CDK4: variants seen among roughly 807,000 people sequenced by gnomAD.
The protein encoded by CDK4 is cyclin-dependent kinase 4.
CDK4 carries 13 observed loss-of-function variants against 36.7 expected under a neutral mutation model. That is an observed-to-expected ratio of 0.35 (90% CI 0.23 to 0.56). The LOEUF (loss-of-function observed/expected upper bound fraction) is 0.56, where lower values mean the gene tolerates loss of function less well. CDK4 is among the 20% of genes least tolerant of loss of function. The probability of loss-of-function intolerance (pLI) is 0.85; values close to 1 mark genes in which losing one functional copy is unlikely to be tolerated. For missense variants in CDK4, 285 were observed against 387.3 expected, an observed-to-expected ratio of 0.74 and a Z score of 2.22; for synonymous variants, 158 against 146.4, an observed-to-expected ratio of 1.08 and a Z score of -0.57.
chr12:57,749,812 C>T, intron 5 of CDK4: 1 of 427,738 alleles, frequency 2.3e-6, no homozygotes, highest in Non-Finnish European at 4.3e-6. Context: ...TCCTGGCCAA[C>T]ATGGTGAAAC....
chr12:57,749,606 C>T, intron 5 of CDK4, 102 bp from the exon 6 acceptor site: 2 of 1,120,226 alleles, frequency 1.8e-6, no homozygotes, highest in East Asian at 5.0e-5. Flanking sequence ...GGAATAAAGG[C>T]CAACAATTCC....
intron 7 of CDK4, 155 bp downstream of exon 7, chr12:57,749,027 C>T: frequency 1.0e-6 from 1 of 984,068 alleles, no homozygotes; most frequent in Non-Finnish European, 1.6e-6. Flanking sequence ...TCTTCTATAT[C>T]CTTCTCTGTG....
rs1438340968 is a variant in CDK4, at chr12:57,751,851, T to A, written c.-19-115A>T. ...CGCAAAGAACACCACCAGCATCCCA[T>A]CCCCCGCTCCCAGTCTTCCTTGGGG... On this transcript the variant is annotated intron_variant, in intron 1 of 7. Coordinates refer to ENST00000257904, the MANE Select transcript of CDK4 (RefSeq NM_000075.4). This position sits in a 1 kb window ranked among gnomAD's most constrained non-coding sequence, Gnocchi z 4.5. 2 of 728,850 alleles carry A rather than the reference T, an allele frequency of 2.7e-6. No homozygotes were observed. The highest frequency in any genetic ancestry group is 4.8e-6 in the Non-Finnish European group (2 of 420,956). The allele number at this position is 728,850 out of a possible 1,614,324, so 45.1% of individuals were successfully genotyped here. A position where few individuals can be genotyped will look rare whatever the true frequency, so the allele number is the denominator to read the frequency against.
At chr12:57,749,879 C>A (rs2140384603) in intron 5 of CDK4, 1 of 307,922 alleles carries the variant, frequency 3.2e-6, no homozygotes, top group African/African-American at 2.2e-5. Context: ...CACCTGTGGT[C>A]CCAGCTACTT....
Position 57,751,217 on chromosome 12 carries a change from T to G in CDK4, c.344A>C (p.Glu115Ala), listed in dbSNP as rs1955233133. ...DKAPPPGLPA[E>A]TIKDLMRQFL... The stretch of plus-strand genomic sequence containing the variant: ...ACCAACCCCACTCACCTTGATCGTT[T>G]CGGCTGGCAAGCCTGGTGGGGGTGC... Residue 115 changes from glutamate to alanine, a missense_variant, in exon 3 of 8, where the codon GAA (glutamate) becomes GCA (alanine). Coordinates refer to ENST00000257904, the MANE Select transcript of CDK4 (RefSeq NM_000075.4). This position sits in a 1 kb window ranked among gnomAD's most constrained non-coding sequence, Gnocchi z 4.5. 1.2e-6 allele frequency: 2 copies of G among 1,614,176 alleles called. No individual in the cohort carries two copies. The highest frequency in any genetic ancestry group is 2.2e-5 in the East Asian group (1 of 44,876).
intron 5 of CDK4, chr12:57,749,939 GTGAGCAGAGATCGCACTACTGCAC>G: frequency 3.8e-6 from 1 of 261,758 alleles, no homozygotes; most frequent in Admixed American, 5.0e-5. Flanking sequence ...GGAGGTTGCA[GTGAGCAGAGATCGCACTACTGCAC>G]TCCAGCCTGG....
chr12:57,749,546 A>T, intron 5 of CDK4, 42 bp from the exon 6 acceptor site: 1 of 1,586,426 alleles, frequency 6.3e-7, no homozygotes, highest in Non-Finnish European at 8.7e-7. Context: ...ATTTTCAAAG[A>T]TATCTTAGTT....
intron 7 of CDK4, chr12:57,748,972 C>T (rs1042439395): frequency 1.8e-5 from 12 of 656,500 alleles, no homozygotes; most frequent in Non-Finnish European, 3.1e-5. Context: ...TCCCAAAGTG[C>T]TGGGATTACA....
In CDK4 at chr12:57,751,386, CATGGCCTCTCA is replaced by C. The variant is rs1321411528; in HGVS notation, c.219-55_219-45del. On this transcript the variant is annotated intron_variant, in intron 2 of 7. Transcript: ENST00000257904. This position sits in a 1 kb window ranked among gnomAD's most constrained non-coding sequence, Gnocchi z 4.5. The stretch of plus-strand genomic sequence containing the variant: ...CACTTTTCAATCCCCTTTAACCCAA[CATGGCCTCTCA>C]TTATTTCCTCAGGGTCCCCACTTCT... 1.9e-6 allele frequency: 3 copies of C among 1,613,920 alleles called. No homozygotes were observed. In the South Asian group the frequency reaches 3.3e-5, roughly 18 times the overall value.
Position 57,748,221 on chromosome 12 carries a change from TAAAAA to T in CDK4, c.*299_*303del. 3.1e-6 allele frequency: 1 copy of T among 325,538 alleles called. No individual in the cohort carries two copies. Among genetic ancestry groups the T allele is most frequent in the South Asian group, 3.8e-5 (1 of 26,648 alleles). The allele number at this position is 325,538 out of a possible 1,614,324, so 20.2% of individuals were successfully genotyped here. On this transcript the variant is annotated 3_prime_UTR_variant, in exon 8 of 8. Transcript: ENST00000257904. ...CAAAGCCAAACAGAGGAAGAAACATTAAAAAAAAAAAAAAGACCATTATTTCTTTG... is the reference window on the plus strand; with the variant it reads ...CAAAGCCAAACAGAGGAAGAAACATTAAAAAAAAAGACCATTATTTCTTTG...
chr12:57,750,735 C>T lies in CDK4; in HGVS notation c.553G>A (p.Val185Ile), dbSNP rs757302656. 1.9e-6 allele frequency: 3 copies of T among 1,614,028 alleles called. No individual in the cohort carries two copies. The highest frequency in any genetic ancestry group is 2.5e-6 in the Non-Finnish European group (3 of 1,179,962). ...GTTGCATATGTGGACTGCAGAAGAA[C>T]TTCGGGAGCTCGGTACCAGAGTGTA... is the stretch of plus-strand genomic sequence containing the variant. Reference protein sequence around the residue: ...VVTLWYRAPEVLLQSTYATPV... With the variant: ...VVTLWYRAPEILLQSTYATPV... The change falls in exon 5 of 8, where the codon GTT (valine) becomes ATT (isoleucine). Residue 185 changes from valine to isoleucine, a missense_variant. Transcript: ENST00000257904.
intron 6 of CDK4, 61 bp downstream of exon 6, chr12:57,749,393 T>C: frequency 6.2e-7 from 1 of 1,613,176 alleles, no homozygotes; most frequent in Middle Eastern, 1.7e-4. Flanking sequence ...GTTGCCATCC[T>C]GGGTTCAGCA....
chr12:57,752,072 G>C (rs1162416627), intron 1 of CDK4, 103 bp downstream of exon 1: 1 of 375,176 alleles, frequency 2.7e-6, no homozygotes, highest in Non-Finnish European at 5.1e-6. Context: ...CCCACTTCCC[G>C]CCCTTGAGCG....
chr12:57,750,283 A>C (rs1955220905), intron 5 of CDK4: 1 of 292,996 alleles, frequency 3.4e-6, no homozygotes, highest in Middle Eastern at 1.2e-3. Flanking sequence ...GTAGTACGCA[A>C]GTAAAAGAAT....
chr12:57,752,102 G>A, intron 1 of CDK4, 73 bp downstream of exon 1: 1 of 341,646 alleles, frequency 2.9e-6, no homozygotes, highest in Non-Finnish European at 5.6e-6. Context: ...TAACCAGCTC[G>A]CGAAACGAAC....
chr12:57,751,876 G>A lies in CDK4; in HGVS notation c.-19-140C>T, dbSNP rs2140389116. 1 of 684,164 alleles carries A rather than the reference G, an allele frequency of 1.5e-6. No homozygotes were observed. Among genetic ancestry groups the A allele is most frequent in the East Asian group, 2.7e-5 (1 of 37,148 alleles). 42.4% of individuals were successfully genotyped at this position (684,164 alleles called of 1,614,324 possible). The stretch of plus-strand genomic sequence containing the variant: ...TCCCCCGCTCCCAGTCTTCCTTGGG[G>A]CCGGCCCCAGAGATAACACAATGAC... On this transcript the variant is annotated intron_variant, in intron 1 of 7. Coordinates refer to ENST00000257904, the MANE Select transcript of CDK4 (RefSeq NM_000075.4). This position sits in a 1 kb window ranked among gnomAD's most constrained non-coding sequence, Gnocchi z 4.5.
Position 57,748,349 on chromosome 12 carries a change from G to GGAGAA in CDK4, c.*171_*175dup. On this transcript the variant is annotated 3_prime_UTR_variant, in exon 8 of 8. Coordinates refer to ENST00000257904, the MANE Select transcript of CDK4 (RefSeq NM_000075.4). ...TAGTGTAGAGAAATGGGAAGGAGAAGGAGAAGCCTCAAAAGGAGAGGTGGG... is the reference window on the plus strand; with the variant it reads ...TAGTGTAGAGAAATGGGAAGGAGAAGGAGAAGAGAAGCCTCAAAAGGAGAGGTGGG... 1.4e-6 allele frequency: 1 copy of GGAGAA among 690,986 alleles called. No homozygotes were observed. Among genetic ancestry groups the GGAGAA allele is most frequent in the South Asian group, 1.5e-5 (1 of 66,584 alleles). The allele number at this position is 690,986 out of a possible 1,614,324, so 42.8% of individuals were successfully genotyped here.
intron 5 of CDK4, chr12:57,749,737 G>A (rs1419064455): frequency 3.8e-5 from 22 of 572,028 alleles, no homozygotes; most frequent in South Asian, 3.0e-4. Context: ...AGCGGCTCAC[G>A]CCTGTAATCC....
intron 5 of CDK4, chr12:57,750,009 C>T: frequency 5.8e-6 from 1 of 171,814 alleles, no homozygotes; most frequent in South Asian, 1.3e-4. Context: ...AAAAAAAAAG[C>T]CAGTCATGGT....
Sources: allele counts gnomAD v4.1 joint callset, GRCh38; gene constraint gnomAD v4.1.1; non-coding constraint Gnocchi (gnomAD v3.1); transcripts MANE v1.5; gene names NCBI Gene and HGNC (gene_info 2026-07-23, HGNC 2026-07-21).